Variants in LY96 observed in about 807,000 individuals in gnomAD.
The protein encoded by LY96 is myeloid differentiation protein-2.
In LY96, 18 loss-of-function variants were observed where a neutral mutation model predicts 18.9. The observed-to-expected ratio is 0.95, with a 90% CI of 0.66 to 1.41. The LOEUF (loss-of-function observed/expected upper bound fraction) is 1.41, where lower values mean the gene tolerates loss of function less well. Ranked by LOEUF, LY96 falls within the 40% of genes most tolerant of loss-of-function variation. LY96 has a pLI of 0.00. For missense variants in LY96, 175 were observed against 182.4 expected, an observed-to-expected ratio of 0.96 and a Z score of 0.23; for synonymous variants, 66 against 62.6, an observed-to-expected ratio of 1.06 and a Z score of -0.26.
At chr8:74,088,318 A>G in the LY96 span, among the ~76,000 whole-genome samples, 1 of 152,072 alleles carries the variant, frequency 6.6e-6, no homozygotes, top group Non-Finnish European at 1.5e-5. Context: ...TGGAGCACCC[A>G]TGGTTCTTAC....
At chr8:74,064,774 C>T in the LY96 span, among the ~76,000 whole-genome samples, 1 of 152,136 alleles carries the variant, frequency 6.6e-6, no homozygotes, top group East Asian at 1.9e-4. Context: ...AATGTATCAA[C>T]ATGGTTAAGT....
intron 1 of LY96, among the ~76,000 whole-genome samples, chr8:74,002,093 TTCTCTC>T (rs376445801): frequency 0.49 from 18,974 of 38,746 alleles, 6,162 homozygotes; most frequent in Non-Finnish European, 0.55. Flanking sequence ...CTTTCTTTCT[TTCTCTC>T]TCTCTCTCTC....
At chr8:74,036,458 AG>A in the LY96 span, among the ~76,000 whole-genome samples, 1 of 152,210 alleles carries the variant, frequency 6.6e-6, no homozygotes, top group African/African-American at 2.4e-5. Flanking sequence ...TCACTATTAT[AG>A]AAACTAAGAT....
the LY96 span, among the ~76,000 whole-genome samples, chr8:74,093,151 C>T: frequency 6.6e-6 from 1 of 152,132 alleles, no homozygotes; most frequent in Non-Finnish European, 1.5e-5. Context: ...TGTTTCTTTC[C>T]TTCTCATTCA....
chr8:74,028,647 A>G (rs1360512556), intron 4 of LY96, among the ~76,000 whole-genome samples: 1 of 152,160 alleles, frequency 6.6e-6, no homozygotes, highest in Non-Finnish European at 1.5e-5. Flanking sequence ...TATGCATTTT[A>G]CTTATGGTGA....
the LY96 span, among the ~76,000 whole-genome samples, chr8:74,089,317 G>A: frequency 6.6e-6 from 1 of 152,004 alleles, no homozygotes; most frequent in East Asian, 1.9e-4. Context: ...GGAGGCCAGG[G>A]CAAGAGGAAA....
the LY96 span, among the ~76,000 whole-genome samples, chr8:74,039,338 C>T: frequency 1.3e-5 from 2 of 151,976 alleles, no homozygotes; most frequent in Admixed American, 1.3e-4. Flanking sequence ...TTGATTGTTT[C>T]CTTTGCTGTG....
At chr8:74,033,383 T>C (rs1363939642), downstream of LY96, among the ~76,000 whole-genome samples, 1 of 152,180 alleles carries the variant, frequency 6.6e-6, no homozygotes, top group Non-Finnish European at 1.5e-5. Flanking sequence ...ATAATGAGAA[T>C]GCTACGTTGC....
At chr8:74,022,347 C>T (rs946328506) in intron 3 of LY96, among the ~76,000 whole-genome samples, 22 of 151,438 alleles carry the variant, frequency 1.5e-4, no homozygotes, top group African/African-American at 5.3e-4. Flanking sequence ...GCAGAGGTTG[C>T]GGTGAGCCAA....
chr8:74,039,212 AAAATT>A, the LY96 span, among the ~76,000 whole-genome samples: 1 of 152,174 alleles, frequency 6.6e-6, no homozygotes, highest in African/African-American at 2.4e-5. Flanking sequence ...TGTTCATTTA[AAAATT>A]AAATTATTAG....
At chr8:74,023,559 C>A (rs555580622) in intron 3 of LY96, among the ~76,000 whole-genome samples, 2 of 152,260 alleles carry the variant, frequency 1.3e-5, no homozygotes, top group African/African-American at 4.8e-5. Flanking sequence ...CAAGCTTGCA[C>A]AGGAGCCCCC....
intron 3 of LY96, among the ~76,000 whole-genome samples, chr8:74,014,151 A>C (rs1434922981): frequency 1.3e-5 from 2 of 151,950 alleles, no homozygotes; most frequent in Admixed American, 6.6e-5. Context: ...AGGTAAAATC[A>C]AGACCCTCTT....
the LY96 span, among the ~76,000 whole-genome samples, chr8:74,047,837 C>T: frequency 7.2e-5 from 11 of 152,284 alleles, no homozygotes; most frequent in African/African-American, 2.6e-4. Flanking sequence ...CTGATAATAT[C>T]ATTACCCTGC....
chr8:74,012,645 A>G (rs920697675), intron 3 of LY96, among the ~76,000 whole-genome samples: 42 of 152,320 alleles, frequency 2.8e-4, no homozygotes, highest in East Asian at 1.9e-4. Flanking sequence ...GAGATTGCAC[A>G]TGTACCTGGT....
At chr8:74,091,979 T>C in the LY96 span, among the ~76,000 whole-genome samples, 1 of 152,148 alleles carries the variant, frequency 6.6e-6, no homozygotes, top group Admixed American at 6.5e-5. Flanking sequence ...ACGCTTTCTG[T>C]CCTCAACCTT....
intron 1 of LY96, among the ~76,000 whole-genome samples, chr8:74,002,028 T>C (rs1563710656): frequency 4.3e-5 from 1 of 23,454 alleles, no homozygotes; most frequent in African/African-American, 3.2e-4. Context: ...CCTTCCTTCC[T>C]TCCTTCCTTC....
At chr8:74,080,980 CTCTCTCTTTCTTTCTTTCTTTCTT>C in the LY96 span, among the ~76,000 whole-genome samples, 55 of 126,814 alleles carry the variant, frequency 4.3e-4, no homozygotes, top group African/African-American at 1.9e-3. Context: ...TTCTTTCTTT[CTCTCTCTTTCTTTCTTTCTTTCTT>C]TCTTTCTTTC....
chr8:74,022,884 G>A (rs1047572770), intron 3 of LY96, among the ~76,000 whole-genome samples: 4 of 152,024 alleles, frequency 2.6e-5, no homozygotes, highest in Admixed American at 1.3e-4. Context: ...TGGTCTAGTG[G>A]TTGTTCTTAA....
At chr8:73,997,599 G>A (rs1253731788) in intron 1 of LY96, among the ~76,000 whole-genome samples, 2 of 152,142 alleles carry the variant, frequency 1.3e-5, no homozygotes, top group African/African-American at 4.8e-5. Context: ...AGACTACCTA[G>A]AATTACAGTC....
Sources: gnomAD v4.1 joint callset for allele counts (sites outside exome capture counted in the v4.1 genomes callset) on GRCh38, gnomAD v4.1.1 for gene constraint, MANE v1.5 for transcripts, NCBI Gene and HGNC (gene_info 2026-07-23, HGNC 2026-07-21) for gene names.